IL1RAPL2: variants seen among roughly 807,000 people sequenced by gnomAD.
IL1RAPL2 encodes interleukin 1 receptor accessory protein like 2.
Under a neutral mutation model 44.1 loss-of-function variants are expected in IL1RAPL2, and 3 were observed. The ratio of observed to expected loss-of-function variants is 0.07; its 90% CI spans 0.03 to 0.18. IL1RAPL2 has a LOEUF of 0.18. Among genes scored for constraint, IL1RAPL2 ranks in the 10% least tolerant of loss-of-function variants. The pLI is 1.00. For missense variants in IL1RAPL2, 391 were observed against 496.4 expected, an observed-to-expected ratio of 0.79 and a Z score of 2.02; for synonymous variants, 181 against 178.8, an observed-to-expected ratio of 1.01 and a Z score of -0.10.
intron 3 of IL1RAPL2, among the ~76,000 whole-genome samples, chrX:105,221,411 C>CAAAAAAAAA (rs782121555): frequency 1.6e-5 from 1 of 62,939 alleles, no homozygotes. Context: ...AAACAACAAC[C>CAAAAAAAAA]AAAAAAAAAA....
intron 2 of IL1RAPL2, among the ~76,000 whole-genome samples, chrX:105,117,955 A>G (rs1310156688): frequency 8.9e-6 from 1 of 112,000 alleles, no homozygotes; most frequent in Non-Finnish European, 1.9e-5. Context: ...AGGTACATGA[A>G]GTACAGTGAC....
At chrX:104,600,953 T>C (rs1254166507) in intron 1 of IL1RAPL2, among the ~76,000 whole-genome samples, 2 of 111,885 alleles carry the variant, frequency 1.8e-5, no homozygotes, top group African/African-American at 6.5e-5. Context: ...GTTTTTGCTA[T>C]TGTGCATAGT....
chrX:105,006,412 A>AAT (rs912126164), intron 2 of IL1RAPL2, among the ~76,000 whole-genome samples: 31 of 110,613 alleles, frequency 2.8e-4, no homozygotes, highest in African/African-American at 9.1e-4. Flanking sequence ...ATATAGATAT[A>AAT]ATATATATAT....
At chrX:104,772,361 G>A (rs780169369) in intron 2 of IL1RAPL2, among the ~76,000 whole-genome samples, 3 of 112,105 alleles carry the variant, frequency 2.7e-5, no homozygotes, top group Non-Finnish European at 3.8e-5. Flanking sequence ...TTCCCTATGT[G>A]CTTTACGTAT....
At chrX:105,227,526 A>G (rs781954258) in intron 3 of IL1RAPL2, among the ~76,000 whole-genome samples, 29 of 112,164 alleles carry the variant, frequency 2.6e-4, no homozygotes, top group African/African-American at 8.7e-4. Flanking sequence ...CTGTATCCCC[A>G]AACTTCTTCT....
chrX:104,798,557 T>C (rs1246101566), intron 2 of IL1RAPL2, among the ~76,000 whole-genome samples: 1 of 109,842 alleles, frequency 9.1e-6, no homozygotes, highest in Non-Finnish European at 1.9e-5. Context: ...TCCCAGCTAC[T>C]CGGGAGGCTG....
In IL1RAPL2 at chrX:105,630,975, T is replaced by A. The variant is rs115703943; in HGVS notation, c.773-86392T>A. On this transcript the variant is annotated intron_variant, in intron 6 of 10. Transcript: ENST00000372582. ...CCCTCGCTGCGATTCCATGATTATA[T>A]AATAACTTGAGGCTATTTTACATTC... Among the ~76,000 whole-genome samples the A allele has an allele frequency of 5.0e-3, 551 of 111,190 alleles. 5 individuals are homozygous for A. Among genetic ancestry groups the A allele is most frequent in the African/African-American group, 0.017 (531 of 30,593 alleles).
At chrX:105,361,324 C>T (rs1438579881) in intron 5 of IL1RAPL2, among the ~76,000 whole-genome samples, 2 of 111,001 alleles carry the variant, frequency 1.8e-5, no homozygotes, top group Non-Finnish European at 3.8e-5. Context: ...GAGACAAGTG[C>T]GAACTTGACT....
chrX:105,190,112 G>T (rs2033621189), intron 2 of IL1RAPL2, among the ~76,000 whole-genome samples: 1 of 111,094 alleles, frequency 9.0e-6, no homozygotes, highest in Non-Finnish European at 1.9e-5. Flanking sequence ...AATGAAAGGA[G>T]AAAAATTTGT....
intron 5 of IL1RAPL2, among the ~76,000 whole-genome samples, chrX:105,415,240 C>T (rs2035724819): frequency 9.0e-6 from 1 of 111,722 alleles, no homozygotes; most frequent in Admixed American, 9.5e-5. Context: ...TTCTCTAAGG[C>T]ATAATATGTA....
chrX:105,665,732 TTG>T (rs1304964107), intron 6 of IL1RAPL2, among the ~76,000 whole-genome samples: 6 of 59,347 alleles, frequency 1.0e-4, no homozygotes, highest in Admixed American at 5.9e-4. Flanking sequence ...TTTTGTTTTT[TTG>T]TTTTTTTGTT....
intron 2 of IL1RAPL2, among the ~76,000 whole-genome samples, chrX:104,795,485 C>T (rs756552657): frequency 1.8e-5 from 2 of 109,242 alleles, no homozygotes; most frequent in African/African-American, 6.7e-5. Flanking sequence ...AAATCTCAAG[C>T]TATTTTTATG....
At chrX:104,691,114 G>T (rs1379504302) in intron 2 of IL1RAPL2, among the ~76,000 whole-genome samples, 1 of 112,219 alleles carries the variant, frequency 8.9e-6, no homozygotes, top group African/African-American at 3.2e-5. Context: ...ATCAGTAGAG[G>T]TTCCAGATAT....
chrX:104,695,721 G>T (rs1931170142), intron 2 of IL1RAPL2, among the ~76,000 whole-genome samples: 1 of 111,342 alleles, frequency 9.0e-6, no homozygotes, highest in East Asian at 2.8e-4. Context: ...GGATTACTGT[G>T]TTTCAGGCAC....
chrX:105,140,522 T>C (rs951101153), intron 2 of IL1RAPL2, among the ~76,000 whole-genome samples: 1 of 112,253 alleles, frequency 8.9e-6, no homozygotes, highest in Non-Finnish European at 1.9e-5. Context: ...TTATGTGAGA[T>C]GAAAAAATCA....
chrX:105,590,857 GTT>G lies in IL1RAPL2; in HGVS notation c.772+106472_772+106473del, dbSNP rs1448296281. Among the ~76,000 whole-genome samples, 149 of 100,164 alleles carry G rather than the reference GTT, an allele frequency of 1.5e-3. 2 individuals carry two copies. The highest frequency in any genetic ancestry group is 5.2e-3 in the African/African-American group (122 of 23,286). The allele number at this position is 100,164 out of a possible 115,157, so 87.0% of individuals were successfully genotyped here. On this transcript the variant is annotated intron_variant, in intron 6 of 10. Transcript: ENST00000372582. ...TGTGTGTGTGTGTGTGTTTGTGTGT[GTT>G]TGTGTGTGTGTGTGTGTGTGTGTGT...
In IL1RAPL2 at chrX:105,138,095, A is replaced by T. The variant is rs150457053; in HGVS notation, c.83-57380A>T. Among the ~76,000 whole-genome samples, 510 of 110,745 alleles carry T rather than the reference A, an allele frequency of 4.6e-3. 6 individuals carry two copies. Among genetic ancestry groups the T allele is most frequent in the African/African-American group, 0.015 (467 of 30,497 alleles). On this transcript the variant is annotated intron_variant, in intron 2 of 10. Coordinates refer to ENST00000372582, the MANE Select transcript of IL1RAPL2 (RefSeq NM_017416.2). ...CTCAAAAAATATGTATATATAATTT[A>T]TTCATAGGCAAGGATTGTGATACAG...
intron 1 of IL1RAPL2, among the ~76,000 whole-genome samples, chrX:104,654,054 C>A (rs1331348914): frequency 9.1e-6 from 1 of 109,779 alleles, no homozygotes; most frequent in Non-Finnish European, 1.9e-5. Context: ...AGATAATTTC[C>A]CCCCCACCCC....
chrX:104,624,646 T>G (rs1314573118), intron 1 of IL1RAPL2, among the ~76,000 whole-genome samples: 1 of 111,904 alleles, frequency 8.9e-6, no homozygotes, highest in Admixed American at 9.6e-5. Flanking sequence ...TTGGGCCCAC[T>G]GTCCTTACTT....
Sources: gnomAD v4.1 joint callset for allele counts (sites outside exome capture counted in the v4.1 genomes callset) on GRCh38, gnomAD v4.1.1 for gene constraint, MANE v1.5 for transcripts, NCBI Gene and HGNC (gene_info 2026-07-23, HGNC 2026-07-21) for gene names.